SNTG1: variants seen among roughly 807,000 people sequenced by gnomAD.
SNTG1 encodes syntrophin gamma 1.
Under a neutral mutation model 74.7 loss-of-function variants are expected in SNTG1, and 39 were observed. The observed-to-expected ratio is 0.52, with a 90% CI of 0.40 to 0.68. The LOEUF (loss-of-function observed/expected upper bound fraction) is 0.68. SNTG1 is among the 30% of genes least tolerant of loss of function. The probability of loss-of-function intolerance (pLI) is 0.00; values close to 1 mark genes in which losing one functional copy is unlikely to be tolerated. For synonymous variants in SNTG1, 254 were observed against 217.1 expected, an observed-to-expected ratio of 1.17 and a Z score of -1.49; for missense variants, 685 against 609.5, an observed-to-expected ratio of 1.12 and a Z score of -1.30.
intron 1 of SNTG1, among the ~76,000 whole-genome samples, chr8:50,153,571 TG>T (rs544277438): frequency 1.5e-3 from 226 of 152,294 alleles, no homozygotes; most frequent in Non-Finnish European, 2.5e-3. Context: ...GATGTACAGA[TG>T]GGGGTTTTGG....
At chr8:50,468,066 C>T (rs2093623522) in intron 8 of SNTG1, among the ~76,000 whole-genome samples, 1 of 151,158 alleles carries the variant, frequency 6.6e-6, no homozygotes, top group Admixed American at 6.6e-5. Context: ...ATATAGTCTG[C>T]TTTTATAAAT....
Position 50,102,815 on chromosome 8 carries a change from GA to G in SNTG1, c.-102-69744del, listed in dbSNP as rs1247949855. Among the ~76,000 whole-genome samples the G allele has an allele frequency of 4.0e-5, 6 of 150,004 alleles. 1 individual carries two copies. The highest frequency in any genetic ancestry group is 1.2e-4 in the African/African-American group (5 of 40,862). On this transcript the variant is annotated intron_variant, in intron 1 of 18. Coordinates refer to ENST00000642720, the MANE Select transcript of SNTG1 (RefSeq NM_018967.5). The stretch of plus-strand genomic sequence containing the variant: ...TTCCCAGCCCCATTTATTAAATAGG[GA>G]ATCCTTTCCCCATTGCTTGTTTTTG...
chr8:50,205,369 CTTTT>C (rs1177354074), intron 2 of SNTG1, among the ~76,000 whole-genome samples: 1 of 152,168 alleles, frequency 6.6e-6, no homozygotes, highest in African/African-American at 2.4e-5. Context: ...AAAATGTCTT[CTTTT>C]GAGAAGTGTC....
At chr8:50,536,881 A>G (rs1302733060) in intron 11 of SNTG1, 73 bp downstream of exon 11, 3 of 1,543,786 alleles carry the variant, frequency 1.9e-6, no homozygotes, top group East Asian at 2.3e-5. Flanking sequence ...CTTTTGACAT[A>G]TCACAATACG....
At chr8:50,176,124 T>C (rs2082991112) in intron 2 of SNTG1, among the ~76,000 whole-genome samples, 2 of 152,272 alleles carry the variant, frequency 1.3e-5, no homozygotes, top group African/African-American at 2.4e-5. Flanking sequence ...TACATAGTTT[T>C]TTTTTGCTAT....
At chr8:50,055,620 TG>T (rs532924289) in intron 1 of SNTG1, among the ~76,000 whole-genome samples, 93 of 152,178 alleles carry the variant, frequency 6.1e-4, no homozygotes, top group Admixed American at 2.2e-3. Context: ...ACATGAGGAC[TG>T]TTTGTGGGTA....
intron 2 of SNTG1, among the ~76,000 whole-genome samples, chr8:50,249,702 C>T (rs754374892): frequency 3.1e-4 from 47 of 152,152 alleles, no homozygotes; most frequent in Non-Finnish European, 5.7e-4. Context: ...TAATCTCACA[C>T]ATCACAATCA....
intron 1 of SNTG1, among the ~76,000 whole-genome samples, chr8:50,136,495 T>A (rs2131434808): frequency 6.6e-6 from 1 of 152,286 alleles, no homozygotes; most frequent in African/African-American, 2.4e-5. Flanking sequence ...TTTGTATTTC[T>A]CTAGTGATCA....
intron 1 of SNTG1, among the ~76,000 whole-genome samples, chr8:49,918,819 T>C (rs1374344405): frequency 2.6e-5 from 4 of 152,160 alleles, no homozygotes; most frequent in African/African-American, 9.6e-5. Context: ...TTTGCCTAAT[T>C]GGTATTTGTA....
chr8:50,208,452 G>A lies in SNTG1; in HGVS notation c.-28+35817G>A, dbSNP rs553232189. Among the ~76,000 whole-genome samples, 11 of 152,094 alleles carry A rather than the reference G, an allele frequency of 7.2e-5. No individual in the cohort carries two copies. In the East Asian group the frequency reaches 2.1e-3, roughly 29 times the overall value. On this transcript the variant is annotated intron_variant, in intron 2 of 18. Coordinates refer to ENST00000642720, the MANE Select transcript of SNTG1 (RefSeq NM_018967.5). ...ATCCCTTTATTTTGAGCTTTTATGT[G>A]TCTCTCCACGTGAGATGGTTCTTCT...
intron 2 of SNTG1, among the ~76,000 whole-genome samples, chr8:50,285,249 T>C (rs2088702651): frequency 6.6e-6 from 1 of 152,162 alleles, no homozygotes; most frequent in Admixed American, 6.6e-5. Flanking sequence ...GCCAATCCTG[T>C]ATCTGCCCAT....
chr8:50,709,079 G>A (rs946447147), intron 17 of SNTG1, 101 bp downstream of exon 17: 29 of 864,312 alleles, frequency 3.4e-5, no homozygotes, highest in Admixed American at 2.2e-5. Flanking sequence ...AATTGTAATC[G>A]TGTCAAATTT....
At chr8:50,054,231 G>A (rs1447462854) in intron 1 of SNTG1, among the ~76,000 whole-genome samples, 1 of 152,064 alleles carries the variant, frequency 6.6e-6, no homozygotes, top group African/African-American at 2.4e-5. Flanking sequence ...TCCCTTCTGG[G>A]CAGCTCCCTT....
At chr8:50,362,711 G>A (rs2091994136) in intron 2 of SNTG1, among the ~76,000 whole-genome samples, 1 of 152,030 alleles carries the variant, frequency 6.6e-6, no homozygotes, top group Admixed American at 6.6e-5. Context: ...TAGGATTTTA[G>A]GTTAGAGTCT....
At chr8:49,952,338 G>T (rs1223138771) in intron 1 of SNTG1, among the ~76,000 whole-genome samples, 1 of 152,138 alleles carries the variant, frequency 6.6e-6, no homozygotes, top group Non-Finnish European at 1.5e-5. Flanking sequence ...GAGAATATGG[G>T]GAGAGAAGAC....
chr8:50,264,902 A>G (rs1220200580), intron 2 of SNTG1, among the ~76,000 whole-genome samples: 1 of 152,050 alleles, frequency 6.6e-6, no homozygotes, highest in Non-Finnish European at 1.5e-5. Flanking sequence ...ACACATTACC[A>G]GAAAGAAAAA....
intron 13 of SNTG1, among the ~76,000 whole-genome samples, chr8:50,599,670 G>A (rs2094758409): frequency 1.3e-5 from 2 of 151,978 alleles, no homozygotes; most frequent in African/African-American, 4.8e-5. Flanking sequence ...ACTGATTTTT[G>A]TATGTTGATT....
At chr8:50,049,169 G>C (rs1195651448) in intron 1 of SNTG1, among the ~76,000 whole-genome samples, 2 of 152,022 alleles carry the variant, frequency 1.3e-5, no homozygotes, top group Non-Finnish European at 2.9e-5. Context: ...AGTCAACTAT[G>C]TCAATAATCA....
intron 8 of SNTG1, among the ~76,000 whole-genome samples, chr8:50,496,761 G>A (rs2093908177): frequency 6.6e-6 from 1 of 152,036 alleles, no homozygotes; most frequent in Non-Finnish European, 1.5e-5. Context: ...ATAGCAGTTT[G>A]AGAGAATAAC....
Sources: gnomAD v4.1 joint callset for allele counts (sites outside exome capture counted in the v4.1 genomes callset) on GRCh38, gnomAD v4.1.1 for gene constraint, MANE v1.5 for transcripts, NCBI Gene and HGNC (gene_info 2026-07-23, HGNC 2026-07-21) for gene names.